Variants in FCRL4 observed in about 807,000 individuals in gnomAD.
The protein encoded by FCRL4 is Fc receptor like 4, also known as Fc receptor-like protein 4.
A neutral mutation model predicts 64.1 loss-of-function variants in FCRL4; 43 were observed. The observed-to-expected ratio is 0.67, with a 90% CI of 0.53 to 0.87. FCRL4 has a LOEUF of 0.87. Ranked by LOEUF, FCRL4 falls within the 40% of genes least tolerant of loss-of-function variation. The pLI, the probability that FCRL4 is intolerant of heterozygous loss-of-function variation, is 0.00. For missense variants in FCRL4, 656 were observed against 613.5 expected (o/e 1.07, Z -0.73); for synonymous variants, 253 against 239.8 (o/e 1.05, Z -0.51).
Position 157,585,336 on chromosome 1 carries a change from TTCTCTC to T in FCRL4, c.1135+826_1135+831del, listed in dbSNP as rs751051677. ...TTTCCTTCCTTCCTTCTCTCTTTCT[TTCTCTC>T]TCTCTTTCTTTCTTTCTTTCTTTCT... On this transcript the variant is annotated intron_variant, in intron 6 of 11. Coordinates refer to ENST00000271532, the MANE Select transcript of FCRL4 (RefSeq NM_031282.3). Among the ~76,000 whole-genome samples the T allele has an allele frequency of 1.2e-4, 16 of 129,796 alleles. No homozygotes were observed. The East Asian group carries it at 1.4e-3, about 12-fold the overall frequency. 85.2% of individuals were successfully genotyped at this position (129,796 alleles called of 152,430 possible). A position where few individuals can be genotyped will look rare whatever the true frequency, so the allele number is the denominator to read the frequency against.
intron 4 of FCRL4, 85 bp from the exon 5 acceptor site, chr1:157,587,645 A>C: frequency 7.1e-7 from 1 of 1,416,026 alleles, no homozygotes; most frequent in Non-Finnish European, 9.6e-7. Flanking sequence ...AGTCCCAGGA[A>C]ACTTCAGACA....
At chr1:157,593,980 G>A (rs1475910318) in intron 2 of FCRL4, among the ~76,000 whole-genome samples, 3 of 152,174 alleles carry the variant, frequency 2.0e-5, no homozygotes, top group Admixed American at 6.5e-5. Flanking sequence ...AATGAAAATT[G>A]ATTGCTATTT....
At chr1:157,580,277 G>A (rs766661753) in intron 8 of FCRL4, 44 bp downstream of exon 8, 231 of 1,609,566 alleles carry the variant, frequency 1.4e-4, no homozygotes, top group Non-Finnish European at 8.9e-5. Flanking sequence ...TGCATATTGT[G>A]TACTCGGGAA....
intron 8 of FCRL4, 22 bp downstream of exon 8, chr1:157,580,299 A>G (rs1432505945): frequency 7.4e-6 from 12 of 1,613,868 alleles, no homozygotes; most frequent in Non-Finnish European, 1.0e-5. Flanking sequence ...CTAAAAAGGA[A>G]TGGCAGAAAC....
chr1:157,580,103 T>C (rs1464904513), intron 8 of FCRL4, among the ~76,000 whole-genome samples: 1 of 152,204 alleles, frequency 6.6e-6, no homozygotes, highest in Admixed American at 6.5e-5. Context: ...TAGGTTAAGA[T>C]CAAATAAGAA....
chr1:157,580,259 C>T, intron 8 of FCRL4, 62 bp downstream of exon 8: 1 of 1,572,918 alleles, frequency 6.4e-7, no homozygotes, highest in Non-Finnish European at 8.8e-7. Context: ...TTCATAACCC[C>T]ACAGTTTTGC....
chr1:157,595,934 T>C (rs766967469), intron 2 of FCRL4, among the ~76,000 whole-genome samples: 1 of 152,214 alleles, frequency 6.6e-6, no homozygotes. Context: ...TTGTTACACA[T>C]GGTTAGTGGA....
intron 6 of FCRL4, among the ~76,000 whole-genome samples, chr1:157,583,362 G>A (rs1652604243): frequency 6.6e-6 from 1 of 152,094 alleles, no homozygotes; most frequent in Admixed American, 6.6e-5. Flanking sequence ...CCCTACCCCA[G>A]ACATCCTCAG....
intron 6 of FCRL4, among the ~76,000 whole-genome samples, chr1:157,585,350 CTTTCTTTCTTTCTT>C (rs1652657184): frequency 4.8e-5 from 2 of 41,474 alleles, no homozygotes; most frequent in African/African-American, 1.8e-4. Context: ...CTCTCTCTTT[CTTTCTTTCTTTCTT>C]TCTTTCTTTC....
At position 157,597,901 on chromosome 1, in the gene FCRL4, C is replaced by T. The variant is rs201384209; in HGVS notation, c.31+13G>A. 1.2e-6 allele frequency: 2 copies of T among 1,611,898 alleles called. No homozygotes were observed. The highest frequency in any genetic ancestry group is 1.7e-6 in the Non-Finnish European group (2 of 1,178,450). The stretch of plus-strand genomic sequence containing the variant: ...GCTTTGCAGCAAGCAAAGGTCTCCT[C>T]CCCATCACTTACCAAAGGCCAGCAA... On this transcript the variant is annotated intron_variant, in intron 1 of 11. Transcript: ENST00000271532.
chr1:157,584,688 G>A (rs944618683), intron 6 of FCRL4, among the ~76,000 whole-genome samples: 4 of 152,118 alleles, frequency 2.6e-5, no homozygotes, highest in Admixed American at 1.3e-4. Context: ...GGTGGGCCCT[G>A]CTTGATCATA....
intron 2 of FCRL4, among the ~76,000 whole-genome samples, chr1:157,590,911 A>G (rs761645004): frequency 6.6e-6 from 1 of 152,308 alleles, no homozygotes; most frequent in Admixed American, 6.5e-5. Context: ...AGGTTTGCTG[A>G]AAAGTCAACT....
rs767578026 is a variant in FCRL4, at chr1:157,575,482, A to AG, written c.*41dup. 1.1e-5 allele frequency: 16 copies of AG among 1,487,734 alleles called. No individual in the cohort carries two copies. In the Admixed American group the frequency reaches 2.6e-4, roughly 24 times the overall value. 92.2% of individuals were successfully genotyped at this position (1,487,734 alleles called of 1,614,324 possible). Reference sequence around the variant, plus strand: ...CTGGGCCTGGGACTTTGGACAAGGGAGAAATCACATGAGTAGGACGTTCTC... The same window carrying AG: ...CTGGGCCTGGGACTTTGGACAAGGGAGGAAATCACATGAGTAGGACGTTCTC... On this transcript the variant is annotated 3_prime_UTR_variant, in exon 12 of 12. Transcript: ENST00000271532.
At chr1:157,585,356 TTC>T (rs1652658948) in intron 6 of FCRL4, among the ~76,000 whole-genome samples, 1 of 66,294 alleles carries the variant, frequency 1.5e-5, no homozygotes, top group East Asian at 5.1e-4. Context: ...CTTTCTTTCT[TTC>T]TTTCTTTCTT....
chr1:157,590,173 C>G (rs1466674117), intron 2 of FCRL4, among the ~76,000 whole-genome samples: 3 of 152,134 alleles, frequency 2.0e-5, no homozygotes, highest in Non-Finnish European at 4.4e-5. Flanking sequence ...CCCAGAAGCC[C>G]AAAACTCCTT....
rs1652371626 is a variant in FCRL4 at position 157,575,183 on chromosome 1, A to C, written c.*341T>G. ...ATCTCTGCAAATCCCAATTCACCAA[A>C]ATTTGTGCTTCTGTTTTTCATAACA... On this transcript the variant is annotated 3_prime_UTR_variant, in exon 12 of 12. Transcript: ENST00000271532. The C allele has an allele frequency of 2.9e-6, 1 of 341,340 alleles. No individual in the cohort carries two copies. The highest frequency in any genetic ancestry group is 4.5e-5 in the Admixed American group (1 of 22,428). The allele number at this position is 341,340 out of a possible 1,614,324, so 21.1% of individuals were successfully genotyped here.
At chr1:157,592,707 A>G (rs1252292077) in intron 2 of FCRL4, among the ~76,000 whole-genome samples, 1 of 152,222 alleles carries the variant, frequency 6.6e-6, no homozygotes, top group Admixed American at 6.5e-5. Context: ...AACTAGAAAT[A>G]CCATTTGACC....
At chr1:157,595,769 C>T (rs1238330315) in intron 2 of FCRL4, among the ~76,000 whole-genome samples, 2 of 152,186 alleles carry the variant, frequency 1.3e-5, no homozygotes, top group African/African-American at 4.8e-5. Flanking sequence ...TCCTAGGGTG[C>T]TCTATAGGAA....
chr1:157,575,423 T>G lies in FCRL4; in HGVS notation c.*101A>C, dbSNP rs118025271. On this transcript the variant is annotated 3_prime_UTR_variant, in exon 12 of 12. Transcript: ENST00000271532. The stretch of plus-strand genomic sequence containing the variant: ...CATGAGAAGAATTAGAAAGCTGGAA[T>G]GAGTTGATCATTCCAGGGGCCGCAA... The G allele has an allele frequency of 7.1e-5, 57 of 798,988 alleles. 1 individual carries two copies. In the East Asian group the frequency reaches 1.1e-3, roughly 15 times the overall value. 49.5% of individuals were successfully genotyped at this position (798,988 alleles called of 1,614,324 possible).
Sources: gnomAD v4.1 joint callset for allele counts (sites outside exome capture counted in the v4.1 genomes callset) on GRCh38, gnomAD v4.1.1 for gene constraint, MANE v1.5 for transcripts, NCBI Gene and HGNC (gene_info 2026-07-23, HGNC 2026-07-21) for gene names.